NDRG2: variants seen among roughly 807,000 people sequenced by gnomAD.
NDRG2 encodes protein NDRG2.
In NDRG2, 34 loss-of-function variants were observed where a neutral mutation model predicts 58.2. The observed-to-expected ratio is 0.58, with a 90% CI of 0.44 to 0.78. The LOEUF (loss-of-function observed/expected upper bound fraction) is 0.78. Among genes scored for constraint, NDRG2 ranks in the 30% least tolerant of loss-of-function variants. NDRG2 has a pLI of 0.00. For missense variants in NDRG2, 434 were observed against 471.2 expected (o/e 0.92, Z 0.73); for synonymous variants, 187 against 175.9 (o/e 1.06, Z -0.50).
chr14:21,052,137 T>C (rs777104708), intron 1 of NDRG2, among the ~76,000 whole-genome samples: 8 of 152,214 alleles, frequency 5.3e-5, no homozygotes, highest in Non-Finnish European at 1.0e-4. Context: ...CCTTGTGTTA[T>C]AAATAGTAAG....
Position 21,070,866 on chromosome 14 carries a change from C to G in NDRG2, c.-15G>C. 1 of 1,535,652 alleles carries G rather than the reference C, an allele frequency of 6.5e-7. No homozygotes were observed. The highest frequency in any genetic ancestry group is 8.7e-7 in the Non-Finnish European group (1 of 1,146,858). On this transcript the variant is annotated 5_prime_UTR_variant, in exon 1 of 15. Coordinates refer to the NDRG2 transcript ENST00000403829. The surrounding 1 kb of genome is among the most constrained non-coding windows in gnomAD (Gnocchi z 4.7). ...CCATTTTCCATCCCTGTCCCCAACCCGGTGAGGCAGGCCCACCCATCCGGC... is the reference window on the plus strand; with the variant it reads ...CCATTTTCCATCCCTGTCCCCAACCGGGTGAGGCAGGCCCACCCATCCGGC...
At chr14:21,037,808 T>C (rs1418677264) in intron 1 of NDRG2, among the ~76,000 whole-genome samples, 4 of 152,382 alleles carry the variant, frequency 2.6e-5, no homozygotes, top group Middle Eastern at 6.8e-3. Context: ...TAGTTCACCA[T>C]TGAAACAATA....
At chr14:21,060,322 C>T (rs2139156093) in intron 1 of NDRG2, among the ~76,000 whole-genome samples, 1 of 152,252 alleles carries the variant, frequency 6.6e-6, no homozygotes, top group East Asian at 1.9e-4. Context: ...CCAGCCCCCT[C>T]CACATTGCCC....
At chr14:21,020,427 C>T in intron 8 of NDRG2, 69 bp downstream of exon 8, 1 of 1,166,330 alleles carries the variant, frequency 8.6e-7, no homozygotes, top group African/African-American at 1.5e-5. Context: ...AGGCTATCTA[C>T]CAGAGCCTAA....
upstream of NDRG2, chr14:21,030,201 C>T (rs1883964466): frequency 5.3e-6 from 1 of 188,358 alleles, no homozygotes; most frequent in Non-Finnish European, 1.1e-5. Flanking sequence ...CTTCCCTCTC[C>T]TCCCTCTGTC....
intron 8 of NDRG2, 183 bp from the exon 9 acceptor site, chr14:21,020,159 T>C: frequency 1.7e-6 from 1 of 585,776 alleles, no homozygotes; most frequent in Non-Finnish European, 3.1e-6. Flanking sequence ...CCAGGCGTGG[T>C]GGCGGGTGCC....
At chr14:21,049,667 A>G (rs915938559) in intron 1 of NDRG2, among the ~76,000 whole-genome samples, 4 of 152,160 alleles carry the variant, frequency 2.6e-5, no homozygotes, top group Non-Finnish European at 5.9e-5. Context: ...GCCCAAGATT[A>G]CATGAATAAT....
chr14:21,049,243 T>G (rs1029157019), intron 1 of NDRG2, among the ~76,000 whole-genome samples: 3 of 152,154 alleles, frequency 2.0e-5, no homozygotes, highest in Non-Finnish European at 4.4e-5. Context: ...ATCCCCTCAC[T>G]TCCATCGTGG....
chr14:21,020,476 G>C lies in NDRG2; in HGVS notation c.555+20C>G. On this transcript the variant is annotated intron_variant, in intron 8 of 15. Coordinates refer to ENST00000556147, the MANE Select transcript of NDRG2 (RefSeq NM_001320329.2). The stretch of plus-strand genomic sequence containing the variant: ...AGGGGATCCCCAACCGTAGGTCTCA[G>C]CACACAGGCCCCTCCAAACCTTGTG... 1 of 1,607,408 alleles carries C rather than the reference G, an allele frequency of 6.2e-7. No individual in the cohort carries two copies. The highest frequency in any genetic ancestry group is 8.5e-7 in the Non-Finnish European group (1 of 1,175,182).
intron 1 of NDRG2, among the ~76,000 whole-genome samples, chr14:21,066,228 G>T (rs1238933839): frequency 6.6e-6 from 1 of 152,132 alleles, no homozygotes; most frequent in Non-Finnish European, 1.5e-5. Flanking sequence ...AAGAAAAGGA[G>T]AGATAGGCAG....
chr14:21,065,589 A>C (rs1435719211), intron 1 of NDRG2, among the ~76,000 whole-genome samples: 1 of 152,232 alleles, frequency 6.6e-6, no homozygotes, highest in Non-Finnish European at 1.5e-5. Context: ...AATACAACAG[A>C]ATAACATTAT....
chr14:21,062,520 G>C (rs79690643), intron 1 of NDRG2, among the ~76,000 whole-genome samples: 14,366 of 152,228 alleles, frequency 0.094, 879 homozygotes, highest in Middle Eastern at 0.15. Flanking sequence ...AGCAGGGTTT[G>C]CCTGAGGCCC....
At chr14:21,030,731 G>C (rs375215559), upstream of NDRG2, 2 of 1,614,000 alleles carry the variant, frequency 1.2e-6, no homozygotes, top group African/African-American at 2.7e-5. Flanking sequence ...CCACGGACGT[G>C]GACATCGTGT....
chr14:21,035,044 C>A (rs564032185), intron 1 of NDRG2, among the ~76,000 whole-genome samples: 17 of 152,208 alleles, frequency 1.1e-4, no homozygotes, highest in Non-Finnish European at 2.4e-4. Context: ...GCTTCTTATT[C>A]CTGACCCTCA....
chr14:21,022,889 G>A lies in NDRG2; in HGVS notation c.92C>T (p.Ala31Val). The change falls in exon 3 of 16, where the codon GCC becomes GTC. Residue 31 changes from alanine to valine, a missense_variant. By Grantham distance (64) the Ala-to-Val change is moderately conservative. Transcript: ENST00000556147. ...PEAAKEAELA[A>V]RILLDQGQTH... ...CTGTCCCTGGTCCAGGAGGATTCGG[G>A]CAGCTAACTCAGCCTCCTGGAGAGA... 1 of 1,614,018 alleles carries A rather than the reference G, an allele frequency of 6.2e-7. No individual in the cohort carries two copies. The highest frequency in any genetic ancestry group is 1.1e-5 in the South Asian group (1 of 91,040).
chr14:21,023,409 G>C, intron 1 of NDRG2, 88 bp from the exon 2 acceptor site: 7 of 1,239,398 alleles, frequency 5.6e-6, no homozygotes, highest in East Asian at 2.5e-5. Flanking sequence ...AGCACAGGAA[G>C]ATGCAGGGAA....
rs1886376430 is a variant in NDRG2 at position 21,068,099 on chromosome 14, A to C, written c.24+2729T>G. Among the ~76,000 whole-genome samples, 2 of 39,326 alleles carry C rather than the reference A, an allele frequency of 5.1e-5. 1 individual carries two copies. The highest frequency in any genetic ancestry group is 1.6e-3 in the South Asian group (2 of 1,220). The allele number at this position is 39,326 out of a possible 152,430, so 25.8% of individuals were successfully genotyped here. ...ACTGCAAGCTCCGCCTCCCGGGTTC[A>C]CGCCATTCTCCTGCCTCAGCCTCCC... is the stretch of plus-strand genomic sequence containing the variant. On this transcript the variant is annotated intron_variant, in intron 1 of 14. Transcript: ENST00000403829.
upstream of NDRG2, chr14:21,025,247 C>G: frequency 1.2e-6 from 1 of 845,788 alleles, no homozygotes; most frequent in Middle Eastern, 6.0e-4. The surrounding 1 kb of genome is among the most constrained non-coding windows in gnomAD (Gnocchi z 5.1). Flanking sequence ...GGGCGAGGGG[C>G]GGGCGGCTGG....
chr14:21,069,725 G>A (rs1220929281), intron 1 of NDRG2, among the ~76,000 whole-genome samples: 11 of 152,030 alleles, frequency 7.2e-5, no homozygotes, highest in Admixed American at 3.9e-4. Flanking sequence ...CAAGCCCCCG[G>A]GGGGTTGGGG....
Sources: allele counts gnomAD v4.1 joint callset (sites outside exome capture counted in the v4.1 genomes callset), GRCh38; gene constraint gnomAD v4.1.1; non-coding constraint Gnocchi (gnomAD v3.1); transcripts MANE v1.5; gene names NCBI Gene and HGNC (gene_info 2026-07-23, HGNC 2026-07-21).